The following FCAR variants were observed in gnomAD, a reference collection of about 807,000 sequenced individuals.
FCAR encodes the protein Fc alpha receptor.
A neutral mutation model predicts 27.1 loss-of-function variants in FCAR; 21 were observed. The ratio of observed to expected loss-of-function variants is 0.77; its 90% CI spans 0.55 to 1.11. FCAR has a LOEUF of 1.11. Among genes scored for constraint, FCAR ranks in the 50% most tolerant of loss-of-function variants. The pLI is 0.00. For missense variants in FCAR, 404 were observed against 358.4 expected, an observed-to-expected ratio of 1.13 and a Z score of -1.03; for synonymous variants, 134 against 135.8, an observed-to-expected ratio of 0.99 and a Z score of 0.09.
At chr19:54,875,425 A>C (rs1569530140) in intron 2 of FCAR, 60 bp downstream of exon 2, 5 of 1,370,534 alleles carry the variant, frequency 3.6e-6, no homozygotes, top group Non-Finnish European at 5.2e-6. Context: ...TCTAGGATAA[A>C]GAAATTGAAG....
At chr19:54,887,608 G>A (rs993688404) in intron 3 of FCAR, among the ~76,000 whole-genome samples, 7 of 147,280 alleles carry the variant, frequency 4.8e-5, no homozygotes, top group Admixed American at 2.7e-4. Context: ...GTGACAGAGT[G>A]AGACTCCATC....
chr19:54,881,141 C>T (rs1601915132), intron 2 of FCAR, among the ~76,000 whole-genome samples: 1 of 152,236 alleles, frequency 6.6e-6, no homozygotes, highest in Non-Finnish European at 1.5e-5. Flanking sequence ...CCTTGGAACT[C>T]CACCCCAGAG....
intron 2 of FCAR, among the ~76,000 whole-genome samples, chr19:54,876,729 C>G (rs2066113826): frequency 1.3e-5 from 2 of 152,138 alleles, no homozygotes; most frequent in African/African-American, 4.8e-5. Flanking sequence ...ACCATCCTGG[C>G]TAACACGGTG....
intron 2 of FCAR, among the ~76,000 whole-genome samples, chr19:54,878,091 G>C (rs2066199657): frequency 6.6e-6 from 1 of 151,884 alleles, no homozygotes; most frequent in Non-Finnish European, 1.5e-5. Flanking sequence ...AATTTTTTTT[G>C]TATTTTTAGT....
At chr19:54,879,435 C>T (rs587724698) in intron 2 of FCAR, among the ~76,000 whole-genome samples, 1 of 152,192 alleles carries the variant, frequency 6.6e-6, no homozygotes, top group East Asian at 1.9e-4. Flanking sequence ...GTAAGGCAGG[C>T]CTGATGGTAA....
chr19:54,880,518 A>C (rs1276819446), intron 2 of FCAR, among the ~76,000 whole-genome samples: 1 of 152,088 alleles, frequency 6.6e-6, no homozygotes, highest in African/African-American at 2.4e-5. Context: ...TGATGACCTT[A>C]ATTTCTATCC....
chr19:54,880,613 C>T (rs960490398), intron 2 of FCAR, among the ~76,000 whole-genome samples: 1 of 152,210 alleles, frequency 6.6e-6, no homozygotes. Context: ...GGAAGGAAGA[C>T]ACTGTTGCTT....
At chr19:54,882,440 TTTTTTTC>T (rs1471879509) in intron 2 of FCAR, among the ~76,000 whole-genome samples, 3 of 151,112 alleles carry the variant, frequency 2.0e-5, no homozygotes, top group African/African-American at 7.3e-5. Context: ...TTTTTTCTTT[TTTTTTTC>T]TTTTTTGTGG....
In FCAR at chr19:54,889,674, G is replaced by A. The variant is rs758079810; in HGVS notation, c.675G>A (p.Thr225=). ...VTDSIHQDYT[T]QNLIRMAVAG... is the part of the protein sequence containing the mutation. ...ACTCCATCCACCAAGATTACACGAC[G>A]CAGAACTTGATCCGCATGGCCGTGG... Residue 225 remains threonine, a synonymous_variant, in exon 5 of 5, where the codon ACG becomes ACA. Transcript: ENST00000355524. The A allele has an allele frequency of 2.7e-5, 43 of 1,613,974 alleles. No individual in the cohort carries two copies. The highest frequency in any genetic ancestry group is 1.6e-4 in the Middle Eastern group (1 of 6,084).
chr19:54,883,683 G>T (rs1029430381), intron 2 of FCAR, among the ~76,000 whole-genome samples: 1 of 152,186 alleles, frequency 6.6e-6, no homozygotes, highest in Non-Finnish European at 1.5e-5. Context: ...TACTGGGCAT[G>T]GTGGCTCACA....
rs1177656957 is a variant in FCAR at position 54,885,418 on chromosome 19, T to G, written c.254T>G (p.Phe85Cys). ...LKFWNETDPE[F>C]VIDHMDANKA... is the part of the protein sequence containing the mutation. ...TTTTGGAATGAGACTGATCCTGAGT[T>G]CGTCATTGACCACATGGACGCAAAC... The change falls in exon 3 of 5, where the codon TTC becomes TGC. Residue 85 changes from phenylalanine to cysteine, a missense_variant. Transcript: ENST00000355524. The G allele has an allele frequency of 6.2e-7, 1 of 1,613,812 alleles. No individual in the cohort carries two copies. The highest frequency in any genetic ancestry group is 8.5e-7 in the Non-Finnish European group (1 of 1,179,942).
At chr19:54,887,948 A>G in intron 3 of FCAR, 59 bp from the exon 4 acceptor site, 1 of 1,335,282 alleles carries the variant, frequency 7.5e-7, no homozygotes, top group Non-Finnish European at 1.0e-6. Flanking sequence ...CAATAATAAG[A>G]AGAAGAAAAG....
rs587679794 is a variant in FCAR, at chr19:54,879,139, A to G, written c.70+3774A>G. On this transcript the variant is annotated intron_variant, in intron 2 of 4. Transcript: ENST00000355524. ...TGATCCACCCACCTCAGCCTCCCAAAGTGCCAGGGTTACAGGCGTGAGCCA... is the reference window on the plus strand; with the variant it reads ...TGATCCACCCACCTCAGCCTCCCAAGGTGCCAGGGTTACAGGCGTGAGCCA... 2.6e-5 allele frequency among the ~76,000 whole-genome samples: 4 copies of G among 152,008 alleles called. No homozygotes were observed. In the South Asian group the frequency reaches 6.2e-4, roughly 24 times the overall value.
chr19:54,875,274 T>C, intron 1 of FCAR, 56 bp from the exon 2 acceptor site: 2 of 1,502,912 alleles, frequency 1.3e-6, no homozygotes, highest in Non-Finnish European at 1.9e-6. Flanking sequence ...CAGAGGGTGA[T>C]TTGTCGTAAA....
At chr19:54,884,135 G>A (rs1294284593) in intron 2 of FCAR, among the ~76,000 whole-genome samples, 1 of 152,084 alleles carries the variant, frequency 6.6e-6, no homozygotes, top group Non-Finnish European at 1.5e-5. Flanking sequence ...ATGCAGCCAC[G>A]ACCCCGGGCA....
chr19:54,887,196 G>C (rs946299575), intron 3 of FCAR, among the ~76,000 whole-genome samples: 4 of 152,212 alleles, frequency 2.6e-5, no homozygotes, highest in African/African-American at 9.6e-5. Context: ...TGTAGTCTCA[G>C]TTACTTGAGA....
chr19:54,880,496 T>C (rs2066349771), intron 2 of FCAR, among the ~76,000 whole-genome samples: 2 of 152,200 alleles, frequency 1.3e-5, no homozygotes, highest in Non-Finnish European at 1.5e-5. Context: ...GTTTCAACTT[T>C]CTCCTGAATC....
chr19:54,886,457 G>A (rs587760093), intron 3 of FCAR, among the ~76,000 whole-genome samples: 120 of 151,546 alleles, frequency 7.9e-4, no homozygotes, highest in Admixed American at 9.2e-4. Flanking sequence ...ACAGGCGCCC[G>A]CCACCACGCC....
At chr19:54,885,207 C>T (rs369805365) in intron 2 of FCAR, 28 bp from the exon 3 acceptor site, 1 of 1,599,770 alleles carries the variant, frequency 6.3e-7, no homozygotes, top group Non-Finnish European at 8.5e-7. Context: ...TGGCAAGCCA[C>T]CTCAGTCTGG....
Sources: allele counts gnomAD v4.1 joint callset (sites outside exome capture counted in the v4.1 genomes callset), GRCh38; gene constraint gnomAD v4.1.1; transcripts MANE v1.5; gene names NCBI Gene and HGNC (gene_info 2026-07-23, HGNC 2026-07-21).